GLRX2: variants seen among roughly 807,000 people sequenced by gnomAD.
GLRX2 encodes the protein glutaredoxin 2.
A neutral mutation model predicts 16.4 loss-of-function variants in GLRX2; 12 were observed. The observed-to-expected ratio is 0.73, with a 90% CI of 0.47 to 1.19. The LOEUF (loss-of-function observed/expected upper bound fraction) is 1.19, where lower values mean the gene tolerates loss of function less well. Among genes scored for constraint, GLRX2 ranks in the 50% most tolerant of loss-of-function variants. GLRX2 has a pLI of 0.00. For missense variants in GLRX2, 201 were observed against 201.8 expected, an observed-to-expected ratio of 1.00 and a Z score of 0.02; for synonymous variants, 95 against 76.2, an observed-to-expected ratio of 1.25 and a Z score of -1.28.
At chr1:193,098,198 T>G (rs886094184) in intron 2 of GLRX2, among the ~76,000 whole-genome samples, 2 of 152,192 alleles carry the variant, frequency 1.3e-5, no homozygotes, top group Non-Finnish European at 2.9e-5. Context: ...GAGCTGGGAT[T>G]AGACCCAGGC....
rs1218791518 is a variant in GLRX2 at position 193,105,264 on chromosome 1, C to G, written c.119G>C (p.Gly40Ala). 15 of 1,534,620 alleles carry G rather than the reference C, an allele frequency of 9.8e-6. No individual in the cohort carries two copies. The African/African-American group carries it at 1.6e-4, about 16-fold the overall frequency. ...AAGAAAAAAS[G>A]MESNTSSSLE... ...GCACTCCTGCCCGCTGACCCCGTAC[C>G]CAGAGGCCGCAGCTGCCGCAGCTCC... is the stretch of plus-strand genomic sequence containing the variant. The change falls in exon 1 of 4, where the codon GGG becomes GCG. Residue 40 changes from glycine to alanine, a missense_variant and splice_region_variant. Transcript: ENST00000367439.
In GLRX2 at chr1:193,097,569, A is replaced by G; in HGVS notation, c.360+15T>C. On this transcript the variant is annotated intron_variant, in intron 3 of 3. Coordinates refer to ENST00000367439, the MANE Select transcript of GLRX2 (RefSeq NM_197962.3). ...ACCTATTAAAGAGGAACAGCACCAC[A>G]GAGGATATACTCACAGTTCTTTCAC... 1.3e-6 allele frequency: 2 copies of G among 1,586,770 alleles called. No individual in the cohort carries two copies. Among genetic ancestry groups the G allele is most frequent in the Non-Finnish European group, 1.7e-6 (2 of 1,167,744 alleles).
upstream of GLRX2, chr1:193,105,729 A>C (rs940596541): frequency 5.0e-5 from 72 of 1,438,384 alleles, no homozygotes; most frequent in African/African-American, 9.5e-4. Context: ...GGTGGCAGAC[A>C]TGCTGGGGAA....
upstream of GLRX2, chr1:193,105,680 A>T (rs1314662984): frequency 1.3e-6 from 2 of 1,566,976 alleles, no homozygotes; most frequent in Non-Finnish European, 1.7e-6. Context: ...AGGGACGCTC[A>T]TAAAGGCTCC....
rs751501032 is a variant in GLRX2, at chr1:193,097,545, C to A, written c.360+39G>T. 26 of 1,481,432 alleles carry A rather than the reference C, an allele frequency of 1.8e-5. No homozygotes were observed. The African/African-American group carries it at 3.7e-4, about 21-fold the overall frequency. The allele number at this position is 1,481,432 out of a possible 1,614,324, so 91.8% of individuals were successfully genotyped here. A position where few individuals can be genotyped will look rare whatever the true frequency, so the allele number is the denominator to read the frequency against. On this transcript the variant is annotated intron_variant, in intron 3 of 3. Transcript: ENST00000367439. ...AGGCTCTGGGTGATCTAGTTTACAA[C>A]CTATTAAAGAGGAACAGCACCACAG...
chr1:193,097,746 A>G lies in GLRX2; in HGVS notation c.198T>C (p.Asp66=). 1 of 1,583,066 alleles carries G rather than the reference A, an allele frequency of 6.3e-7. No homozygotes were observed. The highest frequency in any genetic ancestry group is 8.6e-7 in the Non-Finnish European group (1 of 1,168,714). Residue 66 remains aspartate, a synonymous_variant, in exon 3 of 4, where the codon GAT becomes GAC. Coordinates refer to ENST00000367439, the MANE Select transcript of GLRX2 (RefSeq NM_197962.3). Reference sequence around the variant, plus strand: ...TTTTTGAGAAAATCACCACACAATTATCAGAAATTGTTTCCTGAAATAAAA... The same window carrying G: ...TTTTTGAGAAAATCACCACACAATTGTCAGAAATTGTTTCCTGAAATAAAA... ...PVNQIQETIS[D]NCVVIFSKTS... is the part of the protein sequence containing the mutation.
chr1:193,096,481 C>T lies in GLRX2; in HGVS notation c.*144G>A, dbSNP rs570458954. On this transcript the variant is annotated 3_prime_UTR_variant, in exon 4 of 4. Coordinates refer to ENST00000367439, the MANE Select transcript of GLRX2 (RefSeq NM_197962.3). ...GCAAGTGGGAAGAAGAGGTTTCCAC[C>T]GCAATTTATTGTTCATTATTTTTAC... 3.1e-4 allele frequency: 144 copies of T among 471,402 alleles called. No individual in the cohort carries two copies. Among genetic ancestry groups the T allele is most frequent in the East Asian group, 2.1e-3 (63 of 30,030 alleles). The allele number at this position is 471,402 out of a possible 1,614,324, so 29.2% of individuals were successfully genotyped here. A position where few individuals can be genotyped will look rare whatever the true frequency, so the allele number is the denominator to read the frequency against.
At chr1:193,105,544 G>T, upstream of GLRX2, 1 of 1,584,668 alleles carries the variant, frequency 6.3e-7, no homozygotes, top group South Asian at 1.1e-5. Context: ...CGTCCTCCCA[G>T]GGCTGCCCGA....
At chr1:193,103,351 G>A (rs1675116749) in intron 1 of GLRX2, among the ~76,000 whole-genome samples, 1 of 152,136 alleles carries the variant, frequency 6.6e-6, no homozygotes, top group East Asian at 1.9e-4. Flanking sequence ...TTAAATTTGT[G>A]GAGACAAGAA....
chr1:193,099,107 G>A (rs1405468316), intron 2 of GLRX2, among the ~76,000 whole-genome samples: 1 of 152,166 alleles, frequency 6.6e-6, no homozygotes, highest in Non-Finnish European at 1.5e-5. Flanking sequence ...GTTTGAGGTA[G>A]AAGTTGAAAA....
intron 2 of GLRX2, among the ~76,000 whole-genome samples, chr1:193,098,831 G>C (rs1028469091): frequency 6.6e-6 from 1 of 152,078 alleles, no homozygotes; most frequent in Non-Finnish European, 1.5e-5. Flanking sequence ...GATTACAGGT[G>C]TGAGCCACCG....
At chr1:193,099,459 G>C (rs1558266867) in intron 2 of GLRX2, among the ~76,000 whole-genome samples, 2 of 152,128 alleles carry the variant, frequency 1.3e-5, no homozygotes, top group Admixed American at 1.3e-4. Flanking sequence ...TCCCACCTCA[G>C]CCTGCCAAGT....
At chr1:193,101,005 T>C in intron 2 of GLRX2, 136 bp downstream of exon 2, 1 of 690,328 alleles carries the variant, frequency 1.4e-6, no homozygotes, top group Non-Finnish European at 2.6e-6. Flanking sequence ...ATAGCAGATT[T>C]TAAAATAAAT....
At chr1:193,101,244 T>C (rs1675070134) in intron 1 of GLRX2, 40 bp from the exon 2 acceptor site, 1 of 1,213,564 alleles carries the variant, frequency 8.2e-7, no homozygotes, top group Admixed American at 1.8e-5. Flanking sequence ...TTATTAAGCA[T>C]TAAGGATAAT....
Position 193,103,483 on chromosome 1 carries a change from ATTG to A in GLRX2, c.119+1778_119+1780del, listed in dbSNP as rs35843003. Among the ~76,000 whole-genome samples, 337 of 152,292 alleles carry A rather than the reference ATTG, an allele frequency of 2.2e-3. 1 individual carries two copies. The highest frequency in any genetic ancestry group is 4.0e-3 in the Non-Finnish European group (272 of 68,018). On this transcript the variant is annotated intron_variant, in intron 1 of 3. Transcript: ENST00000367439. ...TTATTAAAGTGATTGTTCTTTTATT[ATTG>A]TTGTTAATCTCTTACTCTGCCTAAT...
intron 3 of GLRX2, 95 bp downstream of exon 3, chr1:193,097,489 T>A: frequency 1.1e-6 from 1 of 902,448 alleles, no homozygotes; most frequent in Admixed American, 2.9e-5. Context: ...CCTCAGAGAA[T>A]GTCTGGCTCA....
chr1:193,105,741 C>T (rs1675188716), upstream of GLRX2: 2 of 1,410,290 alleles, frequency 1.4e-6, no homozygotes, highest in African/African-American at 1.5e-5. Context: ...GCTGGGGAAA[C>T]GGAGGAGAAA....
intron 3 of GLRX2, 38 bp downstream of exon 3, chr1:193,097,546 C>A (rs761796712): frequency 6.7e-7 from 1 of 1,495,692 alleles, no homozygotes; most frequent in Non-Finnish European, 9.0e-7. Flanking sequence ...AGTTTACAAC[C>A]TATTAAAGAG....
intron 2 of GLRX2, 100 bp from the exon 3 acceptor site, chr1:193,097,860 T>A: frequency 1.4e-6 from 1 of 722,412 alleles, no homozygotes; most frequent in Non-Finnish European, 2.1e-6. Context: ...TCTCTCATGA[T>A]TCTGGGCTCA....
Sources: allele counts gnomAD v4.1 joint callset (sites outside exome capture counted in the v4.1 genomes callset), GRCh38; gene constraint gnomAD v4.1.1; transcripts MANE v1.5; gene names NCBI Gene and HGNC (gene_info 2026-07-23, HGNC 2026-07-21).